The following CEP128 variants were observed in gnomAD, a reference collection of about 807,000 sequenced individuals.
CEP128 encodes the protein centrosomal protein 128, also known as centrosomal protein 128kDa.
A neutral mutation model predicts 156.7 loss-of-function variants in CEP128; 132 were observed. That is an observed-to-expected ratio of 0.84 (90% confidence interval 0.73 to 0.97). The LOEUF (loss-of-function observed/expected upper bound fraction) is 0.97, where lower values mean the gene tolerates loss of function less well. Ranked by LOEUF, CEP128 falls within the 50% of genes least tolerant of loss-of-function variation. The pLI is 0.00. For synonymous variants in CEP128, 469 were observed against 448.9 expected (o/e 1.04, Z -0.57); for missense variants, 1,252 against 1,281.9 (o/e 0.98, Z 0.36).
chr14:80,580,474 GCCTC>G (rs1233504388), intron 19 of CEP128, 51 bp from the exon 20 acceptor site: 16 of 751,048 alleles, frequency 2.1e-5, no homozygotes, highest in South Asian at 4.3e-5. Context: ...AAAACGAGTT[GCCTC>G]TTATCATCAA....
chr14:80,486,733 G>C (rs1487438931), downstream of CEP128, among the ~76,000 whole-genome samples: 3 of 152,130 alleles, frequency 2.0e-5, no homozygotes, highest in Non-Finnish European at 4.4e-5. Flanking sequence ...TTAAAGAAAA[G>C]AATTTTCAAT....
At chr14:80,511,332 TTAG>T (rs1265728538) in intron 23 of CEP128, among the ~76,000 whole-genome samples, 1 of 152,040 alleles carries the variant, frequency 6.6e-6, no homozygotes, top group East Asian at 1.9e-4. Context: ...TGGTTCAATC[TTAG>T]TAGGTTGTAT....
chr14:80,658,235 G>T (rs911588019), intron 19 of CEP128, among the ~76,000 whole-genome samples: 3 of 152,206 alleles, frequency 2.0e-5, no homozygotes, highest in Non-Finnish European at 4.4e-5. Flanking sequence ...AAGGATTATG[G>T]TAGGGGATAT....
chr14:80,817,513 A>G (rs2371417), intron 13 of CEP128, among the ~76,000 whole-genome samples: 14,905 of 152,278 alleles, frequency 0.098, 1,245 homozygotes, highest in East Asian at 0.43. Flanking sequence ...ATCTAATAGC[A>G]ATATCAGTAA....
chr14:80,847,749 G>A (rs1054884099), intron 9 of CEP128, among the ~76,000 whole-genome samples: 3 of 152,122 alleles, frequency 2.0e-5, no homozygotes, highest in Non-Finnish European at 4.4e-5. Flanking sequence ...ACACAAATGT[G>A]GAATAATGCC....
At chr14:80,906,300 A>G (rs539134106) in intron 4 of CEP128, among the ~76,000 whole-genome samples, 1 of 152,352 alleles carries the variant, frequency 6.6e-6, no homozygotes, top group African/African-American at 2.4e-5. Flanking sequence ...GGCATCTGTC[A>G]CTACCTATTC....
At chr14:80,911,613 C>T (rs947967520) in intron 4 of CEP128, among the ~76,000 whole-genome samples, 1 of 152,184 alleles carries the variant, frequency 6.6e-6, no homozygotes, top group Non-Finnish European at 1.5e-5. Flanking sequence ...CTTCTGCCCC[C>T]GCTCTTTTCT....
At chr14:80,912,478 A>G (rs1324110949) in intron 4 of CEP128, among the ~76,000 whole-genome samples, 2 of 152,172 alleles carry the variant, frequency 1.3e-5, no homozygotes. Context: ...AATGGTTAAT[A>G]ATAATGTTTT....
intron 19 of CEP128, among the ~76,000 whole-genome samples, chr14:80,654,711 T>A (rs1398138529): frequency 6.6e-6 from 1 of 152,218 alleles, no homozygotes; most frequent in Non-Finnish European, 1.5e-5. Context: ...TCTCTTTTCT[T>A]GTTCAAACTC....
At chr14:80,833,947 T>C (rs556780966) in intron 12 of CEP128, among the ~76,000 whole-genome samples, 1 of 152,136 alleles carries the variant, frequency 6.6e-6, no homozygotes, top group Non-Finnish European at 1.5e-5. Flanking sequence ...TGCCACACAC[T>C]GAGACAGGAA....
At chr14:80,912,078 G>T (rs773261667) in intron 4 of CEP128, among the ~76,000 whole-genome samples, 1 of 152,040 alleles carries the variant, frequency 6.6e-6, no homozygotes, top group Non-Finnish European at 1.5e-5. Context: ...TTAACTGGGC[G>T]TAGTGGCATG....
chr14:80,754,660 C>T (rs1464480738), intron 18 of CEP128, among the ~76,000 whole-genome samples: 1 of 151,802 alleles, frequency 6.6e-6, no homozygotes, highest in African/African-American at 2.4e-5. Context: ...GACAGGGGTT[C>T]ACCGTGTTAG....
chr14:80,682,287 CA>C (rs1896354821), intron 19 of CEP128, among the ~76,000 whole-genome samples: 1 of 152,020 alleles, frequency 6.6e-6, no homozygotes, highest in African/African-American at 2.4e-5. Flanking sequence ...TTGAAAAACT[CA>C]AAGAATTTCA....
intron 8 of CEP128, among the ~76,000 whole-genome samples, chr14:80,890,365 G>T (rs558366367): frequency 2.4e-4 from 37 of 152,040 alleles, no homozygotes; most frequent in African/African-American, 7.5e-4. Flanking sequence ...AGCAAAGACT[G>T]GGAACCAACC....
chr14:80,917,538 T>A (rs1337879311), intron 2 of CEP128, among the ~76,000 whole-genome samples: 1 of 152,230 alleles, frequency 6.6e-6, no homozygotes, highest in Non-Finnish European at 1.5e-5. Context: ...TTGTTTTGTT[T>A]TCTTTTGTTT....
intron 17 of CEP128, among the ~76,000 whole-genome samples, chr14:80,757,594 TA>T (rs1330921287): frequency 3.3e-5 from 5 of 152,272 alleles, no homozygotes; most frequent in African/African-American, 1.2e-4. Context: ...GCAATGACTT[TA>T]TAATTGTAAA....
In CEP128 at chr14:80,837,006, C is replaced by T. The variant is rs538687742; in HGVS notation, c.925-669G>A. Among the ~76,000 whole-genome samples, 15 of 152,210 alleles carry T rather than the reference C, an allele frequency of 9.9e-5. No homozygotes were observed. In the South Asian group the frequency reaches 1.5e-3, roughly 15 times the overall value. On this transcript the variant is annotated intron_variant, in intron 11 of 24. Transcript: ENST00000555265. ...AGTTAGAGTTCCAAACAAATCAGAA[C>T]GGAATTAAATACAAATATAAACTTC...
At chr14:80,634,699 C>A (rs890618258) in intron 19 of CEP128, among the ~76,000 whole-genome samples, 1 of 152,122 alleles carries the variant, frequency 6.6e-6, no homozygotes, top group Admixed American at 6.6e-5. Flanking sequence ...GTTTTGCCCC[C>A]ACTTTTCCCT....
chr14:80,521,797 C>T (rs567948976), intron 23 of CEP128, among the ~76,000 whole-genome samples: 18 of 152,234 alleles, frequency 1.2e-4, no homozygotes, highest in African/African-American at 4.1e-4. Flanking sequence ...TCTGGAGTCC[C>T]GGCAGTGCTT....
Sources: gnomAD v4.1 joint callset for allele counts (sites outside exome capture counted in the v4.1 genomes callset) on GRCh38, gnomAD v4.1.1 for gene constraint, MANE v1.5 for transcripts, NCBI Gene and HGNC (gene_info 2026-07-23, HGNC 2026-07-21) for gene names.